The following DPYD variants were observed in gnomAD, a reference collection of about 807,000 sequenced individuals.
DPYD encodes the protein dihydropyrimidine dehydrogenase [NADP(+)].
Under a neutral mutation model 116.2 loss-of-function variants are expected in DPYD, and 109 were observed. That is an observed-to-expected ratio of 0.94 (90% CI 0.80 to 1.10). The LOEUF is 1.10. DPYD is among the 50% of genes least tolerant of loss of function. DPYD has a pLI of 0.00. For synonymous variants in DPYD, 440 were observed against 432.0 expected (o/e 1.02, Z -0.23); for missense variants, 1,302 against 1,254.5 (o/e 1.04, Z -0.57).
chr1:97,621,845 AC>A (rs1370288734), intron 8 of DPYD, among the ~76,000 whole-genome samples: 1 of 152,034 alleles, frequency 6.6e-6, no homozygotes, highest in Non-Finnish European at 1.5e-5. Flanking sequence ...ATACACACAT[AC>A]ACACGCACAG....
intron 8 of DPYD, among the ~76,000 whole-genome samples, chr1:97,600,287 T>C (rs560545062): frequency 1.3e-5 from 2 of 152,182 alleles, no homozygotes; most frequent in Admixed American, 6.5e-5. Flanking sequence ...ATCTCACATG[T>C]TATGTTACTC....
chr1:97,549,428 G>A lies in DPYD; in HGVS notation c.1524+132C>T, dbSNP rs959320647. On this transcript the variant is annotated intron_variant, in intron 12 of 22. Transcript: ENST00000370192. ...TCTACATTTTAAAATTTGTATCCAA[G>A]TATGTACGTGACATATTGTATATAT... The A allele has an allele frequency of 5.9e-6, 6 of 1,020,982 alleles. No individual in the cohort carries two copies. The African/African-American group carries it at 8.1e-5, about 14-fold the overall frequency. The allele number at this position is 1,020,982 out of a possible 1,614,324, so 63.2% of individuals were successfully genotyped here.
intron 19 of DPYD, among the ~76,000 whole-genome samples, chr1:97,227,578 T>C (rs1013272946): frequency 6.6e-6 from 1 of 151,144 alleles, no homozygotes; most frequent in Non-Finnish European, 1.5e-5. Flanking sequence ...AAAAAGTATA[T>C]GCCCTTTACT....
Position 97,746,037 on chromosome 1 carries a change from C to T in DPYD, c.234-5558G>A, listed in dbSNP as rs192676534. On this transcript the variant is annotated intron_variant, in intron 3 of 22. Coordinates refer to ENST00000370192, the MANE Select transcript of DPYD (RefSeq NM_000110.4). ...AAGTGAAAGGTAGTCTTGACTGTCT[C>T]CTCAAGAGGCTTCTCAAGTCCAGAT... is the stretch of plus-strand genomic sequence containing the variant. Among the ~76,000 whole-genome samples, 8 of 152,184 alleles carry T rather than the reference C, an allele frequency of 5.3e-5. No homozygotes were observed. In the East Asian group the frequency reaches 5.8e-4, roughly 11 times the overall value.
At chr1:97,278,125 C>A (rs1665074352) in intron 18 of DPYD, among the ~76,000 whole-genome samples, 1 of 152,098 alleles carries the variant, frequency 6.6e-6, no homozygotes. Flanking sequence ...CCAGGAAATG[C>A]AAAGATTAAA....
intron 20 of DPYD, among the ~76,000 whole-genome samples, chr1:97,159,665 T>C (rs1320394549): frequency 6.6e-6 from 1 of 152,074 alleles, no homozygotes; most frequent in Non-Finnish European, 1.5e-5. Context: ...TTGCAGAAAC[T>C]ATTCAGGGGG....
At chr1:97,115,642 C>A (rs1514498) in intron 20 of DPYD, among the ~76,000 whole-genome samples, 260 of 152,178 alleles carry the variant, frequency 1.7e-3, no homozygotes, top group African/African-American at 5.9e-3. Flanking sequence ...AAAGTATTGT[C>A]TTAAAAGTCA....
chr1:97,778,633 T>A (rs1002660700), intron 3 of DPYD, among the ~76,000 whole-genome samples: 1 of 152,194 alleles, frequency 6.6e-6, no homozygotes, highest in African/African-American at 2.4e-5. Context: ...TTAAAACATG[T>A]AAACTCACTT....
chr1:97,455,231 G>A (rs1676617694), intron 13 of DPYD, among the ~76,000 whole-genome samples: 1 of 151,818 alleles, frequency 6.6e-6, no homozygotes, highest in African/African-American at 2.4e-5. Flanking sequence ...GCAGAAATGT[G>A]GCAGAATGAG....
At chr1:97,226,483 A>G (rs1661172674) in intron 19 of DPYD, among the ~76,000 whole-genome samples, 1 of 152,170 alleles carries the variant, frequency 6.6e-6, no homozygotes, top group African/African-American at 2.4e-5. Flanking sequence ...GAAACTCGGA[A>G]GCCTCCACCA....
At chr1:97,535,266 A>C (rs1433947665) in intron 12 of DPYD, among the ~76,000 whole-genome samples, 1 of 152,136 alleles carries the variant, frequency 6.6e-6, no homozygotes, top group African/African-American at 2.4e-5. Context: ...ATTTCTAACT[A>C]GGTTATTTTG....
intron 8 of DPYD, among the ~76,000 whole-genome samples, chr1:97,639,034 C>T (rs1161709275): frequency 6.6e-6 from 1 of 152,004 alleles, no homozygotes; most frequent in African/African-American, 2.4e-5. Flanking sequence ...AGCCACAGAA[C>T]AGTCCTGCAT....
At chr1:97,548,212 G>A (rs1651046885) in intron 12 of DPYD, among the ~76,000 whole-genome samples, 2 of 152,008 alleles carry the variant, frequency 1.3e-5, no homozygotes, top group Admixed American at 6.6e-5. Flanking sequence ...ATTAACAAGA[G>A]CAAATTTTCC....
intron 20 of DPYD, among the ~76,000 whole-genome samples, chr1:97,147,770 A>G (rs2101710389): frequency 6.6e-6 from 1 of 152,278 alleles, no homozygotes; most frequent in Non-Finnish European, 1.5e-5. Context: ...TTTCATGTTA[A>G]ACTCTTCTGT....
At chr1:97,478,415 G>A (rs1233049436) in intron 13 of DPYD, among the ~76,000 whole-genome samples, 4 of 152,084 alleles carry the variant, frequency 2.6e-5, no homozygotes, top group Non-Finnish European at 4.4e-5. Flanking sequence ...AGCCTCCCAA[G>A]TAGCTGGGAC....
chr1:97,662,499 G>A (rs78210029), intron 8 of DPYD, among the ~76,000 whole-genome samples: 10,854 of 151,854 alleles, frequency 0.071, 605 homozygotes, highest in East Asian at 0.28. Context: ...CAGGCGTGGT[G>A]GCACGTGCCT....
At chr1:97,751,458 G>GTATATATATATATATATATA (rs1345170970) in intron 3 of DPYD, among the ~76,000 whole-genome samples, 1 of 22,054 alleles carries the variant, frequency 4.5e-5, no homozygotes. Flanking sequence ...GTGTGTGTGT[G>GTATATATATATATATATATA]TGTATATATA....
chr1:97,335,299 TACACACACAC>T (rs35371362), intron 16 of DPYD, among the ~76,000 whole-genome samples: 2,117 of 136,278 alleles, frequency 0.016, 18 homozygotes, highest in East Asian at 0.029. Context: ...TGGAGTTAAG[TACACACACAC>T]ACACACACAC....
At chr1:97,913,313 C>T (rs962063855) in intron 1 of DPYD, among the ~76,000 whole-genome samples, 1 of 152,110 alleles carries the variant, frequency 6.6e-6, no homozygotes, top group Non-Finnish European at 1.5e-5. Context: ...GTATGTAAAT[C>T]GAGGAGCCAA....
Sources: gnomAD v4.1 joint callset for allele counts (sites outside exome capture counted in the v4.1 genomes callset) on GRCh38, gnomAD v4.1.1 for gene constraint, MANE v1.5 for transcripts, NCBI Gene and HGNC (gene_info 2026-07-23, HGNC 2026-07-21) for gene names.